Variants in SLC1A1 observed in about 807,000 individuals in gnomAD.
SLC1A1 encodes excitatory amino acid transporter 3.
SLC1A1 carries 43 observed loss-of-function variants against 53.3 expected under a neutral mutation model. That is an observed-to-expected ratio of 0.81 (90% CI 0.63 to 1.04). The LOEUF (loss-of-function observed/expected upper bound fraction) is 1.04, where lower values mean the gene tolerates loss of function less well. SLC1A1 is among the 50% of genes least tolerant of loss of function. The pLI, the probability that SLC1A1 is intolerant of heterozygous loss-of-function variation, is 0.00. For missense variants in SLC1A1, 748 were observed against 664.9 expected (o/e 1.12, Z -1.37); for synonymous variants, 307 against 243.2 (o/e 1.26, Z -2.44).
rs531512531 is a variant in SLC1A1 at position 4,586,345 on chromosome 9, C to G, written c.*787C>G. 1 of 152,208 alleles carries G rather than the reference C, an allele frequency of 6.6e-6. No individual in the cohort carries two copies. Among genetic ancestry groups the G allele is most frequent in the Non-Finnish European group, 1.5e-5 (1 of 68,010 alleles). The allele number at this position is 152,208 out of a possible 1,614,324, so 9.4% of individuals were successfully genotyped here. ...TAATAACCACGATTCCAACCCAGGT[C>G]TGCTTTGGGGCTTATCAGAACTCCT... On this transcript the variant is annotated 3_prime_UTR_variant, in exon 12 of 12. Transcript: ENST00000262352.
chr9:4,532,361 T>C (rs1816505243), intron 1 of SLC1A1, among the ~76,000 whole-genome samples: 1 of 150,612 alleles, frequency 6.6e-6, no homozygotes, highest in South Asian at 2.1e-4. Context: ...TGCAGAGAAG[T>C]CCTTAAAGGA....
intron 1 of SLC1A1, among the ~76,000 whole-genome samples, chr9:4,508,379 T>A (rs1355092665): frequency 2.6e-5 from 4 of 152,052 alleles, no homozygotes; most frequent in Non-Finnish European, 4.4e-5. Flanking sequence ...ACTGATAGAT[T>A]CACCCACCTG....
chr9:4,503,030 C>A (rs866888752), intron 1 of SLC1A1, among the ~76,000 whole-genome samples: 2 of 151,802 alleles, frequency 1.3e-5, no homozygotes, highest in South Asian at 4.1e-4. Flanking sequence ...TCCTGCCTAT[C>A]CTTGAAGATG....
intron 1 of SLC1A1, among the ~76,000 whole-genome samples, chr9:4,523,040 G>A (rs1814235299): frequency 6.6e-6 from 1 of 152,068 alleles, no homozygotes; most frequent in African/African-American, 2.4e-5. Flanking sequence ...CCTGAGATAG[G>A]TACCTATTTG....
chr9:4,565,047 G>A (rs1819347151), intron 4 of SLC1A1, among the ~76,000 whole-genome samples: 1 of 152,132 alleles, frequency 6.6e-6, no homozygotes, highest in Admixed American at 6.5e-5. Flanking sequence ...TCCAGGTAAA[G>A]TTTCTATAGA....
At chr9:4,573,882 C>A in intron 7 of SLC1A1, 25 bp from the exon 8 acceptor site, 1 of 1,480,136 alleles carries the variant, frequency 6.8e-7, no homozygotes, top group Non-Finnish European at 9.5e-7. Context: ...GACGGAATCA[C>A]GCCTCTGTTG....
intron 2 of SLC1A1, among the ~76,000 whole-genome samples, chr9:4,555,646 G>C (rs1433696180): frequency 6.6e-6 from 1 of 152,160 alleles, no homozygotes; most frequent in African/African-American, 2.4e-5. Flanking sequence ...CCTGTTTCTA[G>C]GCCACAGCCG....
At chr9:4,547,696 T>C (rs1297061327) in intron 2 of SLC1A1, among the ~76,000 whole-genome samples, 2 of 151,022 alleles carry the variant, frequency 1.3e-5, no homozygotes, top group Non-Finnish European at 2.9e-5. Flanking sequence ...TTCAAACTCC[T>C]AAGTACAAGG....
In SLC1A1 at chr9:4,549,278, T is replaced by C. The variant is rs553871176; in HGVS notation, c.232+4571T>C. ...CCAGAAGCACTCCAGTGGGCACAGCTGCGCCTCCTGGTGTCTGCTGTGGCT... is the reference window on the plus strand; with the variant it reads ...CCAGAAGCACTCCAGTGGGCACAGCCGCGCCTCCTGGTGTCTGCTGTGGCT... On this transcript the variant is annotated intron_variant, in intron 2 of 11. Transcript: ENST00000262352. This position sits in a 1 kb window ranked among gnomAD's most constrained non-coding sequence, Gnocchi z 4.1. Among the ~76,000 whole-genome samples the C allele has an allele frequency of 2.6e-5, 4 of 152,302 alleles. No homozygotes were observed. The highest frequency in any genetic ancestry group is 6.5e-5 in the Admixed American group (1 of 15,298).
rs78498776 is a variant in SLC1A1, at chr9:4,498,088, C to G, written c.91+7318C>G. ...CTTGGGTTATAAAACCTCTGAGAGT[C>G]CTTCTAGCTTTAAGAACCTTTAGCT... On this transcript the variant is annotated intron_variant, in intron 1 of 11. Transcript: ENST00000262352. Among the ~76,000 whole-genome samples, 669 of 152,272 alleles carry G rather than the reference C, an allele frequency of 4.4e-3. 6 individuals are homozygous for G. Among genetic ancestry groups the G allele is most frequent in the African/African-American group, 0.015 (626 of 41,554 alleles).
intron 1 of SLC1A1, among the ~76,000 whole-genome samples, chr9:4,525,142 A>G (rs931198000): frequency 3.9e-5 from 6 of 152,212 alleles, no homozygotes; most frequent in Non-Finnish European, 8.8e-5. Flanking sequence ...ACCTTGACAT[A>G]AAGTCTGGAA....
Position 4,576,100 on chromosome 9 carries a change from G to A in SLC1A1, c.975G>A (p.Leu325=). The A allele has an allele frequency of 1.2e-6, 2 of 1,614,022 alleles. No homozygotes were observed. The highest frequency in any genetic ancestry group is 1.7e-6 in the Non-Finnish European group (2 of 1,179,862). Residue 325 remains leucine, a synonymous_variant, in exon 9 of 12, where the codon CTG becomes CTA. Transcript: ENST00000262352. ...CCATGGGAATGGCCCAGGCTCTCCT[G>A]ACAGCTCTCATGATCTCTTCCAGGT... The part of the protein sequence containing the change: ...RFAMGMAQAL[L]TALMISSSSA...
rs367611695 is a variant in SLC1A1, at chr9:4,577,401, A to G, written c.1193+638A>G. On this transcript the variant is annotated intron_variant, in intron 10 of 11. Coordinates refer to ENST00000262352, the MANE Select transcript of SLC1A1 (RefSeq NM_004170.6). ...CGAATGAGGAGGCAGGGGTCATGTC[A>G]TGAAAGGTTTTGTACGAAGAGCTTG... 7.9e-5 allele frequency among the ~76,000 whole-genome samples: 12 copies of G among 152,336 alleles called. No individual in the cohort carries two copies. The East Asian group carries it at 2.3e-3, about 29-fold the overall frequency.
At chr9:4,576,166 C>T (rs759940102) in intron 9 of SLC1A1, 43 bp downstream of exon 9, 9 of 1,592,242 alleles carry the variant, frequency 5.7e-6, no homozygotes, top group South Asian at 1.1e-5. Flanking sequence ...CCAGGCTCAA[C>T]GTTATCAACT....
intron 1 of SLC1A1, among the ~76,000 whole-genome samples, chr9:4,539,242 A>G (rs545782802): frequency 1.3e-4 from 20 of 152,246 alleles, no homozygotes. Context: ...GTGTGTGTGC[A>G]TAAGAACAAA....
intron 10 of SLC1A1, among the ~76,000 whole-genome samples, chr9:4,579,044 T>G (rs1820820564): frequency 6.6e-6 from 1 of 152,214 alleles, no homozygotes; most frequent in African/African-American, 2.4e-5. Flanking sequence ...TACAATGCAT[T>G]TTTTAAATCC....
At position 4,570,613 on chromosome 9, in the gene SLC1A1, C is replaced by T. The variant is rs758206534; in HGVS notation, c.583-1591C>T. ...CTTGAACTCCTAACATCAGGTGATC[C>T]ACCTGCCTCAGCCTCCCAAAATGCT... On this transcript the variant is annotated intron_variant, in intron 6 of 11. Transcript: ENST00000262352. Among the ~76,000 whole-genome samples the T allele has an allele frequency of 2.0e-4, 31 of 152,212 alleles. No homozygotes were observed. The Middle Eastern group carries it at 0.014, about 67-fold the overall frequency.
chr9:4,537,927 A>G (rs1016932408), intron 1 of SLC1A1, among the ~76,000 whole-genome samples: 3 of 150,882 alleles, frequency 2.0e-5, no homozygotes, highest in Admixed American at 6.6e-5. Context: ...TATGAATTTG[A>G]TCTCAAAAAA....
At chr9:4,502,600 T>G (rs1314511453) in intron 1 of SLC1A1, among the ~76,000 whole-genome samples, 1 of 151,488 alleles carries the variant, frequency 6.6e-6, no homozygotes, top group African/African-American at 2.4e-5. Flanking sequence ...TTTTACCAGA[T>G]GAGGAAACTG....
Sources: gnomAD v4.1 joint callset for allele counts (sites outside exome capture counted in the v4.1 genomes callset) on GRCh38, gnomAD v4.1.1 for gene constraint, Gnocchi (gnomAD v3.1) non-coding constraint, MANE v1.5 for transcripts, NCBI Gene and HGNC (gene_info 2026-07-23, HGNC 2026-07-21) for gene names.